PTPN2: variants seen among roughly 807,000 people sequenced by gnomAD.
PTPN2 encodes protein tyrosine phosphatase non-receptor type 2.
PTPN2 carries 19 observed loss-of-function variants against 57.3 expected under a neutral mutation model. The ratio of observed to expected loss-of-function variants is 0.33; its 90% CI spans 0.23 to 0.49. The LOEUF (loss-of-function observed/expected upper bound fraction) is 0.49. Among genes scored for constraint, PTPN2 ranks in the 20% least tolerant of loss-of-function variants. PTPN2 has a pLI of 0.99. For synonymous variants in PTPN2, 153 were observed against 164.9 expected (o/e 0.93, Z 0.55); for missense variants, 358 against 501.1 (o/e 0.71, Z 2.73).
intron 1 of PTPN2, among the ~76,000 whole-genome samples, chr18:12,861,764 C>G (rs1391754032): frequency 6.6e-6 from 1 of 152,118 alleles, no homozygotes; most frequent in African/African-American, 2.4e-5. Context: ...AGCAGGACTC[C>G]CTCCACTTCT....
intron 6 of PTPN2, among the ~76,000 whole-genome samples, chr18:12,816,302 C>A (rs1447187541): frequency 6.6e-6 from 1 of 152,004 alleles, no homozygotes; most frequent in African/African-American, 2.4e-5. Flanking sequence ...TCTGTCTAAA[C>A]AAAGACAAAA....
chr18:12,798,405 C>T (rs1009246119), intron 8 of PTPN2, among the ~76,000 whole-genome samples: 1 of 152,066 alleles, frequency 6.6e-6, no homozygotes, highest in African/African-American at 2.4e-5. Context: ...TTGTCCCCCT[C>T]CTCCCACCCT....
intron 2 of PTPN2, among the ~76,000 whole-genome samples, chr18:12,844,986 T>C (rs1453032014): frequency 1.3e-5 from 2 of 152,204 alleles, no homozygotes; most frequent in African/African-American, 4.8e-5. Flanking sequence ...TACAAGTCTA[T>C]TTCTAGATTA....
intron 1 of PTPN2, among the ~76,000 whole-genome samples, chr18:12,868,266 T>C (rs1474932155): frequency 6.6e-6 from 1 of 151,214 alleles, no homozygotes; most frequent in East Asian, 1.9e-4. Flanking sequence ...TTTTTTGAGA[T>C]TGAGTCTCAC....
intron 4 of PTPN2, among the ~76,000 whole-genome samples, chr18:12,827,732 C>T (rs951054212): frequency 6.6e-6 from 1 of 150,844 alleles, no homozygotes; most frequent in Non-Finnish European, 1.5e-5. Context: ...AAGAGATAAA[C>T]AGGATTAAAG....
At chr18:12,855,172 A>C (rs77743452) in intron 2 of PTPN2, among the ~76,000 whole-genome samples, 6 of 152,268 alleles carry the variant, frequency 3.9e-5, no homozygotes, top group Non-Finnish European at 7.4e-5. Context: ...GCTGGAGAAG[A>C]AGCATGGGCT....
intron 6 of PTPN2, 143 bp downstream of exon 6, chr18:12,817,013 A>G: frequency 1.3e-6 from 1 of 745,902 alleles, no homozygotes. Flanking sequence ...TGGAAATGAG[A>G]TTTTTAGGTT....
intron 2 of PTPN2, chr18:12,841,092 T>A: frequency 1.1e-6 from 1 of 901,776 alleles, no homozygotes; most frequent in Non-Finnish European, 1.5e-6. Flanking sequence ...TGACTCTGAG[T>A]ACTGATACTT....
intron 1 of PTPN2, among the ~76,000 whole-genome samples, chr18:12,866,324 G>C (rs1339291306): frequency 6.6e-6 from 1 of 152,092 alleles, no homozygotes; most frequent in African/African-American, 2.4e-5. Context: ...TGTAGTCCCA[G>C]CTACTGGGGA....
intron 3 of PTPN2, among the ~76,000 whole-genome samples, chr18:12,834,290 G>A (rs1348460057): frequency 6.9e-6 from 1 of 145,762 alleles, no homozygotes; most frequent in Admixed American, 7.0e-5. Context: ...TTGCATCACT[G>A]CACTCCAGGC....
Position 12,793,191 on chromosome 18 carries a change from G to T in PTPN2, c.*1087C>A. On this transcript the variant is annotated 3_prime_UTR_variant, in exon 9 of 9. Transcript: ENST00000309660. Reference sequence around the variant, plus strand: ...AGGAAAGCTAGCATTCAAATGAGCAGTTAAATTCATTAAACAGTTTGCTTT... The same window carrying T: ...AGGAAAGCTAGCATTCAAATGAGCATTTAAATTCATTAAACAGTTTGCTTT... The T allele has an allele frequency of 1.0e-6, 1 of 984,390 alleles. No homozygotes were observed. Among genetic ancestry groups the T allele is most frequent in the Non-Finnish European group, 1.2e-6 (1 of 829,082 alleles). 61.0% of individuals were successfully genotyped at this position (984,390 alleles called of 1,614,324 possible).
chr18:12,860,457 C>T (rs1568157637), intron 1 of PTPN2, among the ~76,000 whole-genome samples: 1 of 151,848 alleles, frequency 6.6e-6, no homozygotes, highest in African/African-American at 2.4e-5. Context: ...ATTAGCCAGG[C>T]GCGATGGCAG....
intron 1 of PTPN2, among the ~76,000 whole-genome samples, chr18:12,869,702 A>G (rs1477375198): frequency 6.6e-6 from 1 of 152,224 alleles, no homozygotes; most frequent in Non-Finnish European, 1.5e-5. Context: ...TCTTCTGTTA[A>G]ATTTTAATTT....
downstream of PTPN2, chr18:12,787,319 C>G (rs73402502): frequency 6.6e-6 from 1 of 152,088 alleles, no homozygotes; most frequent in South Asian, 2.1e-4. Flanking sequence ...AGTCTACAGA[C>G]TGCAGAGTGA....
At chr18:12,868,083 C>CATA (rs1568165672) in intron 1 of PTPN2, among the ~76,000 whole-genome samples, 1 of 152,120 alleles carries the variant, frequency 6.6e-6, no homozygotes, top group Non-Finnish European at 1.5e-5. Flanking sequence ...GGGAAAGACC[C>CATA]TTCTCTAGTG....
chr18:12,840,964 T>G, intron 2 of PTPN2: 2 of 1,457,002 alleles, frequency 1.4e-6, no homozygotes, highest in Non-Finnish European at 1.8e-6. Context: ...CATTGAATAC[T>G]TTCAGCAATC....
chr18:12,874,061 C>T (rs1237515914), intron 1 of PTPN2, among the ~76,000 whole-genome samples: 4 of 151,738 alleles, frequency 2.6e-5, no homozygotes, highest in Non-Finnish European at 4.4e-5. Context: ...GCAGCCGCCC[C>T]GTCTGAGAAG....
At chr18:12,785,536 C>A in exon 10 of PTPN2, 1 of 471,506 alleles carries the variant, frequency 2.1e-6, no homozygotes, top group Non-Finnish European at 3.7e-6. Flanking sequence ...GTAGGAATGG[C>A]AGTACAATAC....
chr18:12,869,461 T>C (rs537130269), intron 1 of PTPN2, among the ~76,000 whole-genome samples: 59 of 152,380 alleles, frequency 3.9e-4, no homozygotes, highest in African/African-American at 1.4e-3. Context: ...GCGCCTGGTT[T>C]TGAAGTTTTT....
Sources: gnomAD v4.1 joint callset for allele counts (sites outside exome capture counted in the v4.1 genomes callset) on GRCh38, gnomAD v4.1.1 for gene constraint, MANE v1.5 for transcripts, NCBI Gene and HGNC (gene_info 2026-07-23, HGNC 2026-07-21) for gene names.